The following TSPAN5 variants were observed in gnomAD, a reference collection of about 807,000 sequenced individuals.
TSPAN5 encodes the protein tetraspanin-5.
Under a neutral mutation model 37.1 loss-of-function variants are expected in TSPAN5, and 10 were observed. The observed-to-expected ratio is 0.27, with a 90% CI of 0.17 to 0.46. TSPAN5 has a LOEUF of 0.46. Ranked by LOEUF, TSPAN5 falls within the 20% of genes least tolerant of loss-of-function variation. The pLI is 1.00. For synonymous variants in TSPAN5, 110 were observed against 118.9 expected, an observed-to-expected ratio of 0.93 and a Z score of 0.48; for missense variants, 195 against 326.6, an observed-to-expected ratio of 0.60 and a Z score of 3.11.
rs1008656272 is a variant in TSPAN5 at position 98,647,065 on chromosome 4, C to T, written c.81+11081G>A. Among the ~76,000 whole-genome samples, 3 of 152,170 alleles carry T rather than the reference C, an allele frequency of 2.0e-5. No homozygotes were observed. The South Asian group carries it at 6.2e-4, about 32-fold the overall frequency. ...ATAGCTGGGTAAAAATCCAGACACACTCAAAGTCTAAACTCCTTAACAGCA... is the reference window on the plus strand; with the variant it reads ...ATAGCTGGGTAAAAATCCAGACACATTCAAAGTCTAAACTCCTTAACAGCA... On this transcript the variant is annotated intron_variant, in intron 1 of 7. Transcript: ENST00000305798.
rs186229384 is a variant in TSPAN5, at chr4:98,518,833, G to C, written c.82-11105C>G. 2.6e-5 allele frequency among the ~76,000 whole-genome samples: 4 copies of C among 152,372 alleles called. No individual in the cohort carries two copies. In the East Asian group the frequency reaches 7.7e-4, roughly 29 times the overall value. ...TTCTGTCTTCTTAACAAGCCCTGCA[G>C]GTAATTGTGACATGTGTTGAAGTTT... On this transcript the variant is annotated intron_variant, in intron 1 of 7. Coordinates refer to ENST00000305798, the MANE Select transcript of TSPAN5 (RefSeq NM_005723.4).
chr4:98,488,416 T>C (rs1400505054), intron 2 of TSPAN5, among the ~76,000 whole-genome samples: 1 of 152,152 alleles, frequency 6.6e-6, no homozygotes, highest in Admixed American at 6.5e-5. Flanking sequence ...AAGAACAGAA[T>C]GTATATGGGG....
At chr4:98,475,709 G>A (rs1752674825) in intron 7 of TSPAN5, among the ~76,000 whole-genome samples, 1 of 152,108 alleles carries the variant, frequency 6.6e-6, no homozygotes, top group Non-Finnish European at 1.5e-5. Context: ...CACAAATCAG[G>A]CCAGGCACGG....
At chr4:98,633,240 A>C (rs1330848536) in intron 1 of TSPAN5, among the ~76,000 whole-genome samples, 1 of 152,220 alleles carries the variant, frequency 6.6e-6, no homozygotes, top group Non-Finnish European at 1.5e-5. Flanking sequence ...TTAGTACAGC[A>C]TGAAAAATCC....
intron 1 of TSPAN5, among the ~76,000 whole-genome samples, chr4:98,513,734 T>C (rs1753664884): frequency 6.6e-6 from 1 of 152,206 alleles, no homozygotes; most frequent in Non-Finnish European, 1.5e-5. Flanking sequence ...TTTTCTTTTC[T>C]GTGTATTTTG....
chr4:98,654,146 G>A (rs557413894), intron 1 of TSPAN5, among the ~76,000 whole-genome samples: 19 of 152,260 alleles, frequency 1.2e-4, no homozygotes, highest in South Asian at 1.0e-3. Context: ...AGGGCCTTCC[G>A]GTAAGTCCAA....
intron 1 of TSPAN5, among the ~76,000 whole-genome samples, chr4:98,615,707 G>A (rs1756318638): frequency 1.3e-5 from 2 of 152,166 alleles, no homozygotes; most frequent in Non-Finnish European, 2.9e-5. Context: ...TGTAATCCCA[G>A]CTACTCAGGA....
intron 1 of TSPAN5, among the ~76,000 whole-genome samples, chr4:98,656,905 A>T (rs1302125883): frequency 6.6e-6 from 1 of 152,234 alleles, no homozygotes; most frequent in Non-Finnish European, 1.5e-5. Context: ...TACAGCAAAC[A>T]GCCCAAATTA....
chr4:98,562,743 G>T (rs1754910520), intron 1 of TSPAN5, among the ~76,000 whole-genome samples: 2 of 152,130 alleles, frequency 1.3e-5, no homozygotes, highest in Admixed American at 1.3e-4. Flanking sequence ...GAGAAGGCTT[G>T]TGATACATAC....
intron 2 of TSPAN5, among the ~76,000 whole-genome samples, chr4:98,503,381 C>T (rs372250987): frequency 1.4e-4 from 22 of 152,238 alleles, no homozygotes; most frequent in Middle Eastern, 3.4e-3. Flanking sequence ...GGACAAGGGG[C>T]TCCAGCCCAC....
chr4:98,486,127 C>T (rs560883037), intron 3 of TSPAN5, among the ~76,000 whole-genome samples: 16 of 152,182 alleles, frequency 1.1e-4, no homozygotes, highest in Admixed American at 5.9e-4. Flanking sequence ...TTTTCATTCT[C>T]TATTTTAACT....
At chr4:98,472,789 C>T (rs1345812674) in intron 7 of TSPAN5, among the ~76,000 whole-genome samples, 1 of 152,184 alleles carries the variant, frequency 6.6e-6, no homozygotes, top group Admixed American at 6.5e-5. Flanking sequence ...TATCTAATCA[C>T]AGAACATTTC....
intron 2 of TSPAN5, among the ~76,000 whole-genome samples, chr4:98,494,392 T>C (rs1247294024): frequency 6.6e-6 from 1 of 151,216 alleles, no homozygotes; most frequent in East Asian, 2.0e-4. Context: ...GACTAGCTTG[T>C]CTTGAATCCC....
At chr4:98,501,851 G>A (rs181375699) in intron 2 of TSPAN5, among the ~76,000 whole-genome samples, 235 of 152,316 alleles carry the variant, frequency 1.5e-3, no homozygotes, top group African/African-American at 5.4e-3. Context: ...ATTTCCAAAG[G>A]ATCACTCCAG....
chr4:98,557,994 G>A (rs954132836), intron 1 of TSPAN5, among the ~76,000 whole-genome samples: 1 of 152,104 alleles, frequency 6.6e-6, no homozygotes, highest in Non-Finnish European at 1.5e-5. Flanking sequence ...TAGTGCCCAG[G>A]GTGAGATCCT....
rs532007241 is a variant in TSPAN5 at position 98,525,265 on chromosome 4, C to T, written c.82-17537G>A. On this transcript the variant is annotated intron_variant, in intron 1 of 7. Coordinates refer to ENST00000305798, the MANE Select transcript of TSPAN5 (RefSeq NM_005723.4). ...CGAGAAATGTCATTTTGTTCAATGT[C>T]GTTTCCTTCAGTAACATTGATGAGA... Among the ~76,000 whole-genome samples, 32 of 152,316 alleles carry T rather than the reference C, an allele frequency of 2.1e-4. No individual in the cohort carries two copies. The South Asian group carries it at 2.9e-3, about 14-fold the overall frequency.
intron 7 of TSPAN5, among the ~76,000 whole-genome samples, chr4:98,472,860 G>A (rs1752618587): frequency 6.6e-6 from 1 of 152,086 alleles, no homozygotes; most frequent in Non-Finnish European, 1.5e-5. Context: ...CATCCCTACA[G>A]ACCTAGCAAC....
chr4:98,477,570 T>C (rs1411442752), intron 5 of TSPAN5, among the ~76,000 whole-genome samples: 1 of 151,856 alleles, frequency 6.6e-6, no homozygotes, highest in Non-Finnish European at 1.5e-5. Flanking sequence ...CAGAGAACAG[T>C]TGAGGAGTCC....
chr4:98,569,708 C>T (rs1187525075), intron 1 of TSPAN5, among the ~76,000 whole-genome samples: 2 of 152,178 alleles, frequency 1.3e-5, no homozygotes, highest in Non-Finnish European at 2.9e-5. Context: ...GGGGCCCCCA[C>T]CTTGGCAAGA....
Sources: allele counts gnomAD v4.1 joint callset (sites outside exome capture counted in the v4.1 genomes callset), GRCh38; gene constraint gnomAD v4.1.1; transcripts MANE v1.5; gene names NCBI Gene and HGNC (gene_info 2026-07-23, HGNC 2026-07-21).